Variants in PVT1 observed in about 807,000 individuals in gnomAD.
PVT1 encodes the protein Pvt1 oncogene, also known as CXCR4/PVT1 fusion.
chr8:127,907,100 G>A (rs1365745917), intron 3 of PVT1, among the ~76,000 whole-genome samples: 1 of 151,922 alleles, frequency 6.6e-6, no homozygotes, highest in East Asian at 1.9e-4. Flanking sequence ...AGCTGGATTT[G>A]CAGGCATGTG....
chr8:127,878,977 AG>A (rs1351942673), intron 2 of PVT1, among the ~76,000 whole-genome samples: 9 of 152,218 alleles, frequency 5.9e-5, no homozygotes, highest in African/African-American at 1.9e-4. Flanking sequence ...ACAGGGAGCC[AG>A]TCTGGAGAAG....
At chr8:127,977,380 C>A (rs1816833467) in intron 3 of PVT1, among the ~76,000 whole-genome samples, 1 of 152,112 alleles carries the variant, frequency 6.6e-6, no homozygotes, top group African/African-American at 2.4e-5. Flanking sequence ...CTTCCTAAGC[C>A]CCCATCTGCT....
At chr8:127,905,249 T>C (rs1422141409) in intron 3 of PVT1, among the ~76,000 whole-genome samples, 2 of 152,132 alleles carry the variant, frequency 1.3e-5, no homozygotes, top group Non-Finnish European at 2.9e-5. Context: ...TAGCATGCCT[T>C]CTCTCTCCCA....
intron 4 of PVT1, among the ~76,000 whole-genome samples, chr8:128,011,668 G>C (rs1001175522): frequency 1.3e-5 from 2 of 152,180 alleles, no homozygotes; most frequent in African/African-American, 2.4e-5. Flanking sequence ...AACTAGGGCC[G>C]TCTTAGCTTC....
At chr8:127,954,917 T>A (rs1816551438) in intron 3 of PVT1, among the ~76,000 whole-genome samples, 1 of 152,226 alleles carries the variant, frequency 6.6e-6, no homozygotes, top group Non-Finnish European at 1.5e-5. Flanking sequence ...CCATCCTTTA[T>A]TCAAAACATT....
chr8:128,034,162 C>T (rs1185938853), intron 4 of PVT1, among the ~76,000 whole-genome samples: 3 of 151,852 alleles, frequency 2.0e-5, no homozygotes, highest in Non-Finnish European at 4.4e-5. Flanking sequence ...CCTCCCCCAC[C>T]CCCTCTTTTC....
At position 127,819,948 on chromosome 8, in the gene PVT1, G is replaced by A. The variant is rs1290047460; in HGVS notation, n.372+23877G>A. Among the ~76,000 whole-genome samples, 7 of 152,140 alleles carry A rather than the reference G, an allele frequency of 4.6e-5. No homozygotes were observed. The East Asian group carries it at 9.6e-4, about 21-fold the overall frequency. Reference sequence around the variant, plus strand: ...CATCTGGCAGCTTCAAGGATCATCCGCATTCTTTCATCTTCATGGAATGTC... The same window carrying A: ...CATCTGGCAGCTTCAAGGATCATCCACATTCTTTCATCTTCATGGAATGTC... On this transcript the variant is annotated intron_variant and non_coding_transcript_variant, in intron 2 of 10. Coordinates refer to ENST00000651587, the Ensembl canonical transcript of PVT1.
intron 2 of PVT1, among the ~76,000 whole-genome samples, chr8:127,834,935 G>T (rs774832731): frequency 6.6e-6 from 1 of 152,184 alleles, no homozygotes; most frequent in Non-Finnish European, 1.5e-5. Flanking sequence ...TCATTAAAAA[G>T]TCAGGGAACA....
At chr8:127,911,283 C>A (rs1388992975) in intron 3 of PVT1, among the ~76,000 whole-genome samples, 1 of 152,188 alleles carries the variant, frequency 6.6e-6, no homozygotes, top group African/African-American at 2.4e-5. Context: ...TTTTCCTGGG[C>A]CTGTGTCAGT....
intron 3 of PVT1, among the ~76,000 whole-genome samples, chr8:127,978,916 G>A (rs1031174243): frequency 6.6e-6 from 1 of 151,600 alleles, no homozygotes; most frequent in Non-Finnish European, 1.5e-5. Flanking sequence ...GTATTTACGT[G>A]TGTGTCTGTG....
rs141339554 is a variant in PVT1, at chr8:128,076,642, C to T, written n.1114+6281C>T. ...GAGTCGCTTACCTTCTCTGGGCTTCCGTCTATTGACATCACAATTCCCAGT... is the reference window on the plus strand; with the variant it reads ...GAGTCGCTTACCTTCTCTGGGCTTCTGTCTATTGACATCACAATTCCCAGT... On this transcript the variant is annotated intron_variant and non_coding_transcript_variant, in intron 5 of 10. Coordinates refer to ENST00000651587, the Ensembl canonical transcript of PVT1. Among the ~76,000 whole-genome samples the T allele has an allele frequency of 6.8e-3, 1,030 of 152,252 alleles. 5 individuals carry two copies. Among genetic ancestry groups the T allele is most frequent in the Middle Eastern group, 0.014 (4 of 294 alleles).
intron 3 of PVT1, among the ~76,000 whole-genome samples, chr8:127,953,627 G>A (rs1405525969): frequency 6.6e-6 from 1 of 152,118 alleles, no homozygotes; most frequent in Non-Finnish European, 1.5e-5. Context: ...CGGGTAATTT[G>A]CTTCCATTTT....
intron 4 of PVT1, among the ~76,000 whole-genome samples, chr8:128,067,219 A>G (rs561954707): frequency 2.4e-4 from 37 of 152,292 alleles, no homozygotes; most frequent in African/African-American, 8.7e-4. Flanking sequence ...CACTCAAGGA[A>G]TGGCCTGGGT....
intron 2 of PVT1, among the ~76,000 whole-genome samples, chr8:127,871,457 G>A (rs918893365): frequency 2.8e-4 from 43 of 152,178 alleles, no homozygotes; most frequent in African/African-American, 1.0e-3. Flanking sequence ...AGCTGATGAG[G>A]TCTTTGCAAA....
intron 2 of PVT1, among the ~76,000 whole-genome samples, chr8:127,847,089 G>A (rs1477321048): frequency 7.0e-6 from 1 of 143,784 alleles, no homozygotes; most frequent in Non-Finnish European, 1.5e-5. Context: ...TGCAACCTCC[G>A]CTTCCCAGGT....
chr8:128,041,649 G>A (rs1202269136), intron 4 of PVT1, among the ~76,000 whole-genome samples: 1 of 150,730 alleles, frequency 6.6e-6, no homozygotes, highest in Non-Finnish European at 1.5e-5. Context: ...TGGTGAATGT[G>A]TGTGTATTTT....
chr8:128,044,928 A>G (rs1436265783), intron 4 of PVT1, among the ~76,000 whole-genome samples: 1 of 152,220 alleles, frequency 6.6e-6, no homozygotes, highest in African/African-American at 2.4e-5. Flanking sequence ...AATTCTTGAT[A>G]TGTAGTTGAC....
At chr8:127,795,660 A>G (rs546711665) in intron 1 of PVT1, 7 of 146,918 alleles carry the variant, frequency 4.8e-5, no homozygotes, top group African/African-American at 1.7e-4. Flanking sequence ...AAAAAACTCT[A>G]GAGAAATGTG....
intron 2 of PVT1, among the ~76,000 whole-genome samples, chr8:127,820,724 T>G (rs1205635602): frequency 2.6e-5 from 4 of 152,142 alleles, no homozygotes; most frequent in Non-Finnish European, 5.9e-5. Flanking sequence ...TCTTTTGTGT[T>G]TTTGAGATAG....
Sources: allele counts gnomAD v4.1 joint callset (sites outside exome capture counted in the v4.1 genomes callset), GRCh38; gene constraint gnomAD v4.1.1; transcripts MANE v1.5; gene names NCBI Gene and HGNC (gene_info 2026-07-23, HGNC 2026-07-21).